Variants in AGBL3 observed in about 807,000 individuals in gnomAD.
The protein encoded by AGBL3 is AGBL carboxypeptidase 3.
In AGBL3, 68 loss-of-function variants were observed where a neutral mutation model predicts 94.5. The ratio of observed to expected loss-of-function variants is 0.72; its 90% CI spans 0.59 to 0.88. AGBL3 has a LOEUF of 0.88. AGBL3 is among the 40% of genes least tolerant of loss of function. The probability of loss-of-function intolerance (pLI) is 0.00; values close to 1 mark genes in which losing one functional copy is unlikely to be tolerated. For synonymous variants in AGBL3, 354 were observed against 370.7 expected, an observed-to-expected ratio of 0.95 and a Z score of 0.52; for missense variants, 934 against 1,103.8, an observed-to-expected ratio of 0.85 and a Z score of 2.18.
chr7:135,118,224 A>C (rs910355578), intron 16 of AGBL3, among the ~76,000 whole-genome samples: 5 of 152,284 alleles, frequency 3.3e-5, no homozygotes, highest in Middle Eastern at 3.4e-3. Flanking sequence ...GGTCTTAGTT[A>C]ATACCTCACT....
chr7:135,075,720 T>C lies in AGBL3; in HGVS notation c.1909-677T>C, dbSNP rs572506398. Among the ~76,000 whole-genome samples the C allele has an allele frequency of 4.6e-5, 7 of 152,358 alleles. No individual in the cohort carries two copies. In the South Asian group the frequency reaches 1.4e-3, roughly 32 times the overall value. ...AGAACAGTTTATGAGTAATCCGTTT[T>C]CTGTGCATCCTCACCAAAATTTGGT... On this transcript the variant is annotated intron_variant, in intron 12 of 16. Transcript: ENST00000436302.
intron 12 of AGBL3, among the ~76,000 whole-genome samples, chr7:135,062,263 C>G (rs1363643191): frequency 6.6e-6 from 1 of 151,946 alleles, no homozygotes; most frequent in Non-Finnish European, 1.5e-5. Context: ...TATCCTTCAA[C>G]TTTACTGAAT....
At chr7:135,108,774 T>C (rs1485504164) in intron 15 of AGBL3, among the ~76,000 whole-genome samples, 1 of 152,250 alleles carries the variant, frequency 6.6e-6, no homozygotes, top group African/African-American at 2.4e-5. Flanking sequence ...TCATGGACAA[T>C]ATCCTGAAAT....
chr7:135,013,203 A>G (rs532003672), intron 4 of AGBL3, among the ~76,000 whole-genome samples: 2 of 152,324 alleles, frequency 1.3e-5, no homozygotes, highest in East Asian at 1.9e-4. Context: ...CTGAACCACA[A>G]TGAGATACCA....
At chr7:135,055,878 G>A (rs1242813705) in intron 11 of AGBL3, among the ~76,000 whole-genome samples, 1 of 152,004 alleles carries the variant, frequency 6.6e-6, no homozygotes, top group Non-Finnish European at 1.5e-5. Context: ...TAAACCATCT[G>A]GGACTTGTGC....
Position 135,069,424 on chromosome 7 carries a change from T to C in AGBL3, c.1909-6973T>C, listed in dbSNP as rs555813628. Among the ~76,000 whole-genome samples, 4 of 152,254 alleles carry C rather than the reference T, an allele frequency of 2.6e-5. No individual in the cohort carries two copies. The South Asian group carries it at 8.3e-4, about 32-fold the overall frequency. The stretch of plus-strand genomic sequence containing the variant: ...CACCCCAAATCAACAGAATATACAT[T>C]CTTTTCAGCACCACACCACACCTAT... On this transcript the variant is annotated intron_variant, in intron 12 of 16. Coordinates refer to ENST00000436302, the MANE Select transcript of AGBL3 (RefSeq NM_178563.4).
At chr7:135,111,159 T>C (rs183710352) in intron 15 of AGBL3, among the ~76,000 whole-genome samples, 81 of 148,680 alleles carry the variant, frequency 5.4e-4, no homozygotes, top group African/African-American at 1.5e-3. Context: ...ATCTCAAACA[T>C]CCTTCCTTCT....
intron 15 of AGBL3, among the ~76,000 whole-genome samples, chr7:135,102,454 TC>T (rs1365571651): frequency 2.0e-5 from 3 of 152,304 alleles, no homozygotes; most frequent in East Asian, 3.9e-4. Flanking sequence ...AATTTTATAC[TC>T]CATTGACATA....
chr7:135,129,499 T>C (rs1299554962), intron 16 of AGBL3: 7 of 772,310 alleles, frequency 9.1e-6, no homozygotes, highest in African/African-American at 5.1e-5. Context: ...GGAACTCCCA[T>C]AGAGAAATTA....
intron 13 of AGBL3, among the ~76,000 whole-genome samples, chr7:135,077,979 C>A (rs574628412): frequency 1.8e-3 from 267 of 152,284 alleles, no homozygotes; most frequent in Non-Finnish European, 3.0e-3. Context: ...TTTGGTGGAG[C>A]CCTCTCCTGC....
At chr7:135,030,690 G>A (rs1395395515) in intron 5 of AGBL3, among the ~76,000 whole-genome samples, 1 of 151,880 alleles carries the variant, frequency 6.6e-6, no homozygotes, top group Non-Finnish European at 1.5e-5. Context: ...TTTCTTTCAT[G>A]TTTTTTAGAA....
chr7:135,008,750 G>A (rs1812728538), intron 4 of AGBL3, among the ~76,000 whole-genome samples: 1 of 151,902 alleles, frequency 6.6e-6, no homozygotes, highest in Non-Finnish European at 1.5e-5. Context: ...ATCTGACAAA[G>A]GACTTCTATC....
chr7:135,078,958 T>G (rs1226396127), intron 13 of AGBL3, among the ~76,000 whole-genome samples: 1 of 152,192 alleles, frequency 6.6e-6, no homozygotes, highest in African/African-American at 2.4e-5. Flanking sequence ...CCTAAAATAA[T>G]ATTGGCAAAT....
intron 15 of AGBL3, 137 bp downstream of exon 15, chr7:135,081,927 T>A (rs1314376506): frequency 5.7e-6 from 3 of 530,852 alleles, no homozygotes; most frequent in Non-Finnish European, 9.5e-6. Context: ...TTTTACCCAG[T>A]CAAAACCAAA....
At chr7:135,044,702 T>G (rs1407111250) in intron 9 of AGBL3, among the ~76,000 whole-genome samples, 1 of 151,610 alleles carries the variant, frequency 6.6e-6, no homozygotes, top group Non-Finnish European at 1.5e-5. Context: ...TTTCAGCTTG[T>G]TTTTTTTATT....
chr7:134,993,334 C>A (rs1430426754), intron 3 of AGBL3, among the ~76,000 whole-genome samples, 159 bp from the exon 4 acceptor site: 1 of 152,106 alleles, frequency 6.6e-6, no homozygotes, highest in East Asian at 1.9e-4. Context: ...CACAAAATTT[C>A]ATTAGTACTT....
At position 135,019,319 on chromosome 7, in the gene AGBL3, T is replaced by C. The variant is rs138469645; in HGVS notation, c.418+2160T>C. On this transcript the variant is annotated intron_variant, in intron 5 of 16. Coordinates refer to ENST00000436302, the MANE Select transcript of AGBL3 (RefSeq NM_178563.4). Reference sequence around the variant, plus strand: ...AATCCTTTTCATTTTCATAACAATATCTTTTGATGAGTAGAACTTTTAAAC... The same window carrying C: ...AATCCTTTTCATTTTCATAACAATACCTTTTGATGAGTAGAACTTTTAAAC... Among the ~76,000 whole-genome samples, 319 of 152,328 alleles carry C rather than the reference T, an allele frequency of 2.1e-3. 1 individual carries two copies. Among genetic ancestry groups the C allele is most frequent in the African/African-American group, 7.0e-3 (291 of 41,570 alleles).
rs146815635 is a variant in AGBL3 at position 135,051,814 on chromosome 7, A to G, written c.1841+5903A>G. On this transcript the variant is annotated intron_variant, in intron 11 of 16. Transcript: ENST00000436302. ...TTCTTCCTTTTCCTATCATATACCC[A>G]TAATAATGCTACCAATAAAATGACT... Among the ~76,000 whole-genome samples the G allele has an allele frequency of 1.2e-3, 190 of 152,200 alleles. 3 individuals are homozygous for G. The highest frequency in any genetic ancestry group is 4.5e-3 in the African/African-American group (188 of 41,548).
chr7:135,126,290 C>T (rs909098637), intron 16 of AGBL3, among the ~76,000 whole-genome samples: 7 of 152,110 alleles, frequency 4.6e-5, no homozygotes, highest in African/African-American at 1.2e-4. Flanking sequence ...CTCCCATTCA[C>T]GATTGCTACA....
Sources: allele counts gnomAD v4.1 joint callset (sites outside exome capture counted in the v4.1 genomes callset), GRCh38; gene constraint gnomAD v4.1.1; transcripts MANE v1.5; gene names NCBI Gene and HGNC (gene_info 2026-07-23, HGNC 2026-07-21).